Variants in THADA observed in about 807,000 individuals in gnomAD.
THADA encodes THADA armadillo repeat containing.
Under a neutral mutation model 219.8 loss-of-function variants are expected in THADA, and 213 were observed. The ratio of observed to expected loss-of-function variants is 0.97; its 90% CI spans 0.87 to 1.09. The LOEUF is 1.09. Ranked by LOEUF, THADA falls within the 50% of genes least tolerant of loss-of-function variation. The pLI, the probability that THADA is intolerant of heterozygous loss-of-function variation, is 0.00. For synonymous variants in THADA, 1,018 were observed against 828.9 expected, an observed-to-expected ratio of 1.23 and a Z score of -3.92; for missense variants, 2,956 against 2,311.3, an observed-to-expected ratio of 1.28 and a Z score of -5.72.
chr2:43,337,788 A>G (rs1324641693), intron 30 of THADA, among the ~76,000 whole-genome samples: 2 of 152,162 alleles, frequency 1.3e-5, no homozygotes, highest in Non-Finnish European at 2.9e-5. Flanking sequence ...AACAAACTGT[A>G]TGCCAGCAAT....
At chr2:43,515,876 G>A (rs564583177) in intron 22 of THADA, among the ~76,000 whole-genome samples, 1 of 152,122 alleles carries the variant, frequency 6.6e-6, no homozygotes, top group South Asian at 2.1e-4. Context: ...GTTTCAATGG[G>A]GTGTCTACTA....
intron 8 of THADA, among the ~76,000 whole-genome samples, chr2:43,580,953 T>C (rs930770065): frequency 6.6e-6 from 1 of 150,910 alleles, no homozygotes; most frequent in Non-Finnish European, 1.5e-5. Flanking sequence ...AAAACCAGAG[T>C]CAGTTATTGT....
intron 36 of THADA, among the ~76,000 whole-genome samples, chr2:43,241,770 T>C (rs947994764): frequency 6.6e-6 from 1 of 151,936 alleles, no homozygotes; most frequent in Non-Finnish European, 1.5e-5. Context: ...CCCTACTGCC[T>C]CCCATCGCGC....
At chr2:43,267,517 A>G (rs1671656839) in intron 36 of THADA, among the ~76,000 whole-genome samples, 1 of 152,220 alleles carries the variant, frequency 6.6e-6, no homozygotes, top group East Asian at 1.9e-4. Context: ...GCGTGTGTCC[A>G]TTTAGCTCAA....
chr2:43,555,385 AT>A (rs1477238096), intron 17 of THADA, among the ~76,000 whole-genome samples: 1 of 150,040 alleles, frequency 6.7e-6, no homozygotes, highest in Non-Finnish European at 1.5e-5. Context: ...TATTATTTAT[AT>A]ATATTACATG....
chr2:43,361,582 G>A lies in THADA; in HGVS notation c.4228-17345C>T, dbSNP rs574719534. Among the ~76,000 whole-genome samples, 374 of 152,148 alleles carry A rather than the reference G, an allele frequency of 2.5e-3. 2 individuals are homozygous for A. The highest frequency in any genetic ancestry group is 4.7e-3 in the Non-Finnish European group (321 of 67,990). On this transcript the variant is annotated intron_variant, in intron 29 of 37. Coordinates refer to ENST00000405975, the MANE Select transcript of THADA (RefSeq NM_022065.5). Reference sequence around the variant, plus strand: ...TGCTTCCTGCTTATGTTCTTTTTTGGCAGGTGTTTTGACTTGACCACTGGA... The same window carrying A: ...TGCTTCCTGCTTATGTTCTTTTTTGACAGGTGTTTTGACTTGACCACTGGA...
chr2:43,231,334 C>A lies in THADA; in HGVS notation c.5476G>T (p.Asp1826Tyr). The A allele has an allele frequency of 6.5e-7, 1 of 1,541,924 alleles. No individual in the cohort carries two copies. The highest frequency in any genetic ancestry group is 8.7e-7 in the Non-Finnish European group (1 of 1,147,892). ...ACTTCTGCTTTTTCAAACAGGTAGT[C>A]TTCTTCCACCTAAATCAGATGAAAA... ...CVESMHQVEE[D>Y]YLFEKAEVNF... is the part of the protein sequence containing the mutation. Residue 1826 changes from aspartate (D) to tyrosine (Y), a missense_variant, in exon 38 of 38, where the codon GAC becomes TAC. Asp to Tyr is a radical substitution (Grantham distance 160). Coordinates refer to ENST00000405975, the MANE Select transcript of THADA (RefSeq NM_022065.5).
At chr2:43,336,399 G>A (rs939242149) in intron 30 of THADA, among the ~76,000 whole-genome samples, 4 of 151,998 alleles carry the variant, frequency 2.6e-5, no homozygotes, top group African/African-American at 9.7e-5. Flanking sequence ...AGCCTCCCGA[G>A]TAGCTGGGAC....
At chr2:43,517,738 T>C (rs775387920) in intron 22 of THADA, among the ~76,000 whole-genome samples, 4 of 152,184 alleles carry the variant, frequency 2.6e-5, no homozygotes, top group Non-Finnish European at 4.4e-5. Context: ...TCCATAAATA[T>C]TAATGTGTGT....
chr2:43,534,710 T>A (rs1694325677), intron 21 of THADA, among the ~76,000 whole-genome samples: 1 of 152,190 alleles, frequency 6.6e-6, no homozygotes, highest in Admixed American at 6.5e-5. Context: ...CTTTACCCAT[T>A]CATCTGTTGT....
chr2:43,285,164 G>A (rs1048088947), intron 35 of THADA, among the ~76,000 whole-genome samples: 7 of 152,228 alleles, frequency 4.6e-5, no homozygotes, highest in Non-Finnish European at 7.3e-5. Context: ...CTGGAGGACT[G>A]TTGAGAAGGG....
intron 10 of THADA, among the ~76,000 whole-genome samples, chr2:43,575,238 A>C (rs1032484909): frequency 6.6e-6 from 1 of 152,218 alleles, no homozygotes; most frequent in African/African-American, 2.4e-5. Flanking sequence ...ATAATCCAGA[A>C]AGCAGTTCAA....
At chr2:43,385,148 A>C (rs34380597) in intron 29 of THADA, among the ~76,000 whole-genome samples, 1 of 152,158 alleles carries the variant, frequency 6.6e-6, no homozygotes, top group Admixed American at 6.5e-5. Flanking sequence ...CTCAAAAAAC[A>C]CAAAAAACAA....
chr2:43,541,288 A>G lies in THADA; in HGVS notation c.3135T>C (p.Thr1045=), dbSNP rs748581452. Residue 1045 remains threonine, a synonymous_variant, in exon 21 of 38, where the codon ACT becomes ACC. Transcript: ENST00000405975. Reference sequence around the variant, plus strand: ...AACAACATACCAGCACCATCTGCGCAGTTACATCACATGTTTTTACTTCTT... The same window carrying G: ...AACAACATACCAGCACCATCTGCGCGGTTACATCACATGTTTTTACTTCTT... The part of the protein sequence containing the change: ...KGKEVKTCDV[T]AQMVLVCCWR... 3.7e-6 allele frequency: 6 copies of G among 1,613,422 alleles called. No homozygotes were observed. In the South Asian group the frequency reaches 6.6e-5, roughly 18 times the overall value.
intron 36 of THADA, among the ~76,000 whole-genome samples, chr2:43,258,829 C>T (rs1670625336): frequency 6.6e-6 from 1 of 152,114 alleles, no homozygotes; most frequent in Admixed American, 6.5e-5. Context: ...TGTTTATTTC[C>T]AGCTGTTCTC....
At chr2:43,482,690 T>C (rs1336556898) in intron 26 of THADA, among the ~76,000 whole-genome samples, 1 of 152,190 alleles carries the variant, frequency 6.6e-6, no homozygotes, top group South Asian at 2.1e-4. Context: ...GATACTATGC[T>C]AGACTCTAGG....
At position 43,586,429 on chromosome 2, in the gene THADA, T is replaced by A. The variant is rs1330341746; in HGVS notation, c.505A>T (p.Ser169Cys). 6.3e-7 allele frequency: 1 copy of A among 1,582,252 alleles called. No homozygotes were observed. Among genetic ancestry groups the A allele is most frequent in the Admixed American group, 1.8e-5 (1 of 54,586 alleles). ...LKNVLHFLQK[S>C]LIEILEENRK... ...TTTTCTTCCAGGATTTCAATTAAACTCTTCTGCAGAAAATGAAGCACTGAA... is the reference window on the plus strand; with the variant it reads ...TTTTCTTCCAGGATTTCAATTAAACACTTCTGCAGAAAATGAAGCACTGAA... The change falls in exon 7 of 38, where the codon AGT becomes TGT. Residue 169 changes from serine to cysteine, a missense_variant. Physicochemically the swap from Ser to Cys is moderately radical, Grantham distance 112. Coordinates refer to ENST00000405975, the MANE Select transcript of THADA (RefSeq NM_022065.5).
chr2:43,560,747 C>T (rs990816291), intron 15 of THADA, among the ~76,000 whole-genome samples: 1 of 151,906 alleles, frequency 6.6e-6, no homozygotes, highest in Non-Finnish European at 1.5e-5. Flanking sequence ...CCAGGCTCAG[C>T]GGCTCACACC....
At chr2:43,555,413 T>C (rs1027475219) in intron 17 of THADA, among the ~76,000 whole-genome samples, 3 of 151,176 alleles carry the variant, frequency 2.0e-5, no homozygotes, top group Admixed American at 6.6e-5. Flanking sequence ...TATATATATG[T>C]TTTTTAAGCC....
Sources: gnomAD v4.1 joint callset for allele counts (sites outside exome capture counted in the v4.1 genomes callset) on GRCh38, gnomAD v4.1.1 for gene constraint, MANE v1.5 for transcripts, NCBI Gene and HGNC (gene_info 2026-07-23, HGNC 2026-07-21) for gene names.